The following ZNF804B variants were observed in gnomAD, a reference collection of about 807,000 sequenced individuals.
The protein encoded by ZNF804B is zinc finger 804B.
In ZNF804B, 80 loss-of-function variants were observed where a neutral mutation model predicts 101.4. That is an observed-to-expected ratio of 0.79 (90% CI 0.66 to 0.95). ZNF804B has a LOEUF of 0.95. Ranked by LOEUF, ZNF804B falls within the 40% of genes least tolerant of loss-of-function variation. The pLI is 0.00. For missense variants in ZNF804B, 1,673 were observed against 1,561.9 expected, an observed-to-expected ratio of 1.07 and a Z score of -1.20; for synonymous variants, 622 against 558.8, an observed-to-expected ratio of 1.11 and a Z score of -1.59.
chr7:88,989,254 C>T (rs1793809458), intron 1 of ZNF804B, among the ~76,000 whole-genome samples: 1 of 151,962 alleles, frequency 6.6e-6, no homozygotes, highest in African/African-American at 2.4e-5. Flanking sequence ...CCTTGGCTTC[C>T]CAAAGTGCTG....
intron 1 of ZNF804B, among the ~76,000 whole-genome samples, chr7:89,028,040 A>G (rs961374321): frequency 1.3e-5 from 2 of 152,142 alleles, no homozygotes; most frequent in African/African-American, 4.8e-5. Flanking sequence ...TTCTTTACAT[A>G]TTTACTCAAC....
At chr7:88,953,022 T>TTCC (rs1432831599) in intron 1 of ZNF804B, among the ~76,000 whole-genome samples, 1 of 151,758 alleles carries the variant, frequency 6.6e-6, no homozygotes, top group Non-Finnish European at 1.5e-5. Context: ...TTCGAAGTGT[T>TTCC]TCCTACCGCT....
At chr7:88,943,273 G>T (rs929794338) in intron 1 of ZNF804B, among the ~76,000 whole-genome samples, 5 of 151,870 alleles carry the variant, frequency 3.3e-5, no homozygotes, top group African/African-American at 1.2e-4. Flanking sequence ...TTACACAGCA[G>T]CAGCCCTTTC....
At chr7:89,089,139 T>C (rs1583979533) in intron 1 of ZNF804B, among the ~76,000 whole-genome samples, 1 of 151,680 alleles carries the variant, frequency 6.6e-6, no homozygotes, top group South Asian at 2.1e-4. Flanking sequence ...TCTATGAAGA[T>C]TACATGCAGT....
intron 1 of ZNF804B, among the ~76,000 whole-genome samples, chr7:88,890,426 C>G (rs1792199473): frequency 6.6e-6 from 1 of 152,118 alleles, no homozygotes; most frequent in Non-Finnish European, 1.5e-5. Context: ...CATGGTAAGA[C>G]CATGTTCAGC....
intron 1 of ZNF804B, among the ~76,000 whole-genome samples, chr7:89,171,288 G>GCTGCTGCTGCTGCCTCTTCTT (rs1215246589): frequency 1.2e-5 from 1 of 82,484 alleles, no homozygotes; most frequent in African/African-American, 4.9e-5. Context: ...TGCTGCTGCT[G>GCTGCTGCTGCTGCCTCTTCTT]CTTCTTCTTC....
rs547252017 is a variant in ZNF804B at position 89,079,258 on chromosome 7, T to A, written c.109-138897T>A. ...CTAACCACAGCTGAAGCATTAAATA[T>A]TACATGGTCATTTTTTTTTCTACCC... On this transcript the variant is annotated intron_variant, in intron 1 of 3. Coordinates refer to ENST00000333190, the MANE Select transcript of ZNF804B (RefSeq NM_181646.5). Among the ~76,000 whole-genome samples the A allele has an allele frequency of 5.3e-4, 80 of 152,130 alleles. 2 individuals are homozygous for A. The South Asian group carries it at 0.016, about 31-fold the overall frequency.
chr7:89,019,059 A>T (rs1185879006), intron 1 of ZNF804B, among the ~76,000 whole-genome samples: 1 of 151,884 alleles, frequency 6.6e-6, no homozygotes, highest in Non-Finnish European at 1.5e-5. Flanking sequence ...CTAGTTCTTT[A>T]GGGAGCATTG....
chr7:89,250,351 C>A (rs1384214008), intron 2 of ZNF804B, among the ~76,000 whole-genome samples: 2 of 152,052 alleles, frequency 1.3e-5, no homozygotes, highest in Admixed American at 1.3e-4. Flanking sequence ...TGAATAAATT[C>A]TTGGAATCAC....
intron 1 of ZNF804B, among the ~76,000 whole-genome samples, chr7:88,846,552 T>A (rs1791376079): frequency 1.3e-5 from 2 of 152,128 alleles, no homozygotes; most frequent in African/African-American, 4.8e-5. Flanking sequence ...CCTGGCACAG[T>A]CAGATATGAC....
chr7:89,067,142 C>A (rs766178814), intron 1 of ZNF804B, among the ~76,000 whole-genome samples: 44 of 152,150 alleles, frequency 2.9e-4, no homozygotes, highest in Admixed American at 1.0e-3. Flanking sequence ...TGTCTACCAA[C>A]CTACCTACCT....
At chr7:89,183,145 A>G (rs1253597263) in intron 1 of ZNF804B, among the ~76,000 whole-genome samples, 1 of 152,158 alleles carries the variant, frequency 6.6e-6, no homozygotes, top group Non-Finnish European at 1.5e-5. Flanking sequence ...ATAGGAGGAT[A>G]GCATTCCTGG....
intron 1 of ZNF804B, among the ~76,000 whole-genome samples, chr7:88,914,478 T>A (rs1792602454): frequency 6.6e-6 from 1 of 152,144 alleles, no homozygotes; most frequent in South Asian, 2.1e-4. Flanking sequence ...GAATACCAAT[T>A]TTTTGACCCT....
chr7:89,012,360 C>T (rs1214857215), intron 1 of ZNF804B, among the ~76,000 whole-genome samples: 1 of 152,146 alleles, frequency 6.6e-6, no homozygotes, highest in Non-Finnish European at 1.5e-5. Flanking sequence ...CCTCTCATCA[C>T]TCATGCAAAT....
chr7:88,766,805 G>A (rs1586893947), intron 1 of ZNF804B, among the ~76,000 whole-genome samples: 1 of 152,308 alleles, frequency 6.6e-6, no homozygotes, highest in Middle Eastern at 3.4e-3. Context: ...AATTAAGGAT[G>A]CTACTCAGGA....
intron 1 of ZNF804B, among the ~76,000 whole-genome samples, chr7:88,880,838 G>A (rs28558847): frequency 0.27 from 41,768 of 151,884 alleles, 6,732 homozygotes; most frequent in East Asian, 0.45. Flanking sequence ...TTTCATGTAT[G>A]AATATTTGTA....
rs1452713289 is a variant in ZNF804B at position 89,336,614 on chromosome 7, A to G, written c.3632A>G (p.His1211Arg). The G allele has an allele frequency of 6.2e-7, 1 of 1,613,998 alleles. No individual in the cohort carries two copies. The change falls in exon 4 of 4, where the codon CAC becomes CGC. Residue 1211 changes from histidine (H) to arginine (R), a missense_variant. Transcript: ENST00000333190. ...CACACTTCTATCACCACCATCCACC[A>G]CACGTTCCTGCAGCATTTTGCTGTT... is the stretch of plus-strand genomic sequence containing the variant. ...HQHTSITTIH[H>R]TFLQHFAVSA...
intron 2 of ZNF804B, among the ~76,000 whole-genome samples, chr7:89,229,679 C>T (rs1789158210): frequency 6.6e-6 from 1 of 152,116 alleles, no homozygotes; most frequent in Admixed American, 6.6e-5. Context: ...TCAGTAAGAA[C>T]ATAGTTGAAC....
In ZNF804B at chr7:88,779,497, TCAGAGTAACATG is replaced by T. The variant is rs542299839; in HGVS notation, c.108+19417_108+19428del. Reference sequence around the variant, plus strand: ...TATCTCCCTAGTGCCCAGTTCACAATCAGAGTAACATGCAGGAAGCACTCACTATATGCCAGA... The same window carrying T: ...TATCTCCCTAGTGCCCAGTTCACAATCAGGAAGCACTCACTATATGCCAGA... On this transcript the variant is annotated intron_variant, in intron 1 of 3. Coordinates refer to ENST00000333190, the MANE Select transcript of ZNF804B (RefSeq NM_181646.5). Among the ~76,000 whole-genome samples, 3 of 152,294 alleles carry T rather than the reference TCAGAGTAACATG, an allele frequency of 2.0e-5. No homozygotes were observed. In the South Asian group the frequency reaches 6.2e-4, roughly 32 times the overall value.
Sources: allele counts gnomAD v4.1 joint callset (sites outside exome capture counted in the v4.1 genomes callset), GRCh38; gene constraint gnomAD v4.1.1; transcripts MANE v1.5; gene names NCBI Gene and HGNC (gene_info 2026-07-23, HGNC 2026-07-21).